The following IKZF2 variants were observed in gnomAD, a reference collection of about 807,000 sequenced individuals.
IKZF2 encodes zinc finger protein Helios.
IKZF2 carries 15 observed loss-of-function variants against 49.2 expected under a neutral mutation model. The observed-to-expected ratio is 0.30, with a 90% confidence interval of 0.20 to 0.47. The LOEUF is 0.47. Among genes scored for constraint, IKZF2 ranks in the 20% least tolerant of loss-of-function variants. The pLI, the probability that IKZF2 is intolerant of heterozygous loss-of-function variation, is 1.00. For missense variants in IKZF2, 567 were observed against 664.6 expected (o/e 0.85, Z 1.61); for synonymous variants, 227 against 221.4 (o/e 1.03, Z -0.23).
At chr2:213,056,300 C>T (rs1701145845) in intron 5 of IKZF2, among the ~76,000 whole-genome samples, 1 of 152,228 alleles carries the variant, frequency 6.6e-6, no homozygotes, top group African/African-American at 2.4e-5. Context: ...TTATAACCAA[C>T]AATTACAGAA....
intron 4 of IKZF2, among the ~76,000 whole-genome samples, chr2:213,103,164 A>T (rs928279544): frequency 2.6e-5 from 4 of 152,162 alleles, no homozygotes; most frequent in Admixed American, 6.6e-5. Flanking sequence ...TGAGGCTCAG[A>T]GATATTAATT....
At chr2:213,108,223 A>G (rs571103920) in intron 4 of IKZF2, among the ~76,000 whole-genome samples, 1 of 152,198 alleles carries the variant, frequency 6.6e-6, no homozygotes, top group Non-Finnish European at 1.5e-5. Context: ...TATCCATTGG[A>G]AAGTAGGTGA....
intron 4 of IKZF2, among the ~76,000 whole-genome samples, chr2:213,130,770 A>G (rs947300006): frequency 4.1e-4 from 62 of 152,204 alleles, no homozygotes; most frequent in African/African-American, 1.4e-3. Flanking sequence ...GTTAGATATT[A>G]TGGGCTTAAT....
chr2:213,043,913 C>T (rs1185300939), intron 6 of IKZF2, among the ~76,000 whole-genome samples: 1 of 152,216 alleles, frequency 6.6e-6, no homozygotes, highest in East Asian at 1.9e-4. Context: ...TAATTTTAAG[C>T]ACTAGTTCTT....
At chr2:213,104,613 G>A (rs1317624625) in intron 4 of IKZF2, among the ~76,000 whole-genome samples, 1 of 152,182 alleles carries the variant, frequency 6.6e-6, no homozygotes, top group East Asian at 1.9e-4. Context: ...AGTACGCAGA[G>A]TACGAGGCAC....
At chr2:213,024,609 T>G (rs1360886255) in intron 6 of IKZF2, among the ~76,000 whole-genome samples, 2 of 152,136 alleles carry the variant, frequency 1.3e-5, no homozygotes, top group Non-Finnish European at 2.9e-5. Context: ...GTAGTCATTA[T>G]ATAATTGGGG....
rs141702001 is a variant in IKZF2 at position 213,033,769 on chromosome 2, C to A, written c.575-11639G>T. On this transcript the variant is annotated intron_variant, in intron 6 of 8. Transcript: ENST00000434687. ...GTAGATATAGCATAATTCTTAAGGA[C>A]CTTAGAATTTTTGGAATGGTCAATG... Among the ~76,000 whole-genome samples the A allele has an allele frequency of 4.6e-5, 7 of 152,306 alleles. No individual in the cohort carries two copies. The East Asian group carries it at 1.2e-3, about 25-fold the overall frequency.
chr2:213,137,398 A>G (rs2060715734), intron 4 of IKZF2, among the ~76,000 whole-genome samples: 1 of 152,140 alleles, frequency 6.6e-6, no homozygotes, highest in South Asian at 2.1e-4. Context: ...GGCGTAAGTC[A>G]TTTTAAAGCA....
At chr2:213,037,202 A>C (rs1286772403) in intron 6 of IKZF2, among the ~76,000 whole-genome samples, 1 of 152,216 alleles carries the variant, frequency 6.6e-6, no homozygotes, top group Non-Finnish European at 1.5e-5. Context: ...GAAAGCAGCT[A>C]AGAATCTTGT....
At chr2:213,144,058 A>G (rs189759286) in intron 4 of IKZF2, among the ~76,000 whole-genome samples, 171 of 152,060 alleles carry the variant, frequency 1.1e-3, no homozygotes, top group Non-Finnish European at 1.7e-3. Flanking sequence ...TAGAAATCAT[A>G]ATATACTTCT....
chr2:213,137,571 A>T (rs2060721812), intron 4 of IKZF2, among the ~76,000 whole-genome samples: 1 of 152,064 alleles, frequency 6.6e-6, no homozygotes, highest in South Asian at 2.1e-4. Flanking sequence ...AGCCCTAAAA[A>T]CTATAGAAAT....
In IKZF2 at chr2:213,114,741, G is replaced by T. The variant is rs537829292; in HGVS notation, c.139+32967C>A. 2.0e-5 allele frequency among the ~76,000 whole-genome samples: 3 copies of T among 152,188 alleles called. No individual in the cohort carries two copies. In the South Asian group the frequency reaches 6.2e-4, roughly 32 times the overall value. On this transcript the variant is annotated intron_variant, in intron 4 of 8. Coordinates refer to ENST00000434687, the MANE Select transcript of IKZF2 (RefSeq NM_001387220.1). ...GAGGTCAAGAGATCGAGACCATCCT[G>T]GCCAACATGGTGAAACCTCATCTCT...
At chr2:213,088,117 C>A (rs1704869507) in intron 4 of IKZF2, among the ~76,000 whole-genome samples, 1 of 152,212 alleles carries the variant, frequency 6.6e-6, no homozygotes, top group Admixed American at 6.5e-5. Flanking sequence ...TTTACAGTCC[C>A]AGCAACAGTG....
chr2:213,143,196 G>A (rs2060931842), intron 4 of IKZF2, among the ~76,000 whole-genome samples: 1 of 151,830 alleles, frequency 6.6e-6, no homozygotes, highest in Non-Finnish European at 1.5e-5. Flanking sequence ...AATTCATTAT[G>A]GCTTACAGGA....
intron 4 of IKZF2, among the ~76,000 whole-genome samples, chr2:213,142,261 A>C (rs1344407316): frequency 6.6e-6 from 1 of 151,826 alleles, no homozygotes; most frequent in Admixed American, 6.6e-5. Context: ...GACAAACTCT[A>C]TTTCTTTCTT....
chr2:213,016,889 C>G (rs1226752179), intron 7 of IKZF2: 1 of 152,122 alleles, frequency 6.6e-6, no homozygotes, highest in Non-Finnish European at 1.5e-5. Context: ...GGCAGAGTAC[C>G]TGGACTGAGG....
chr2:213,063,062 A>G (rs1441945176), intron 4 of IKZF2, among the ~76,000 whole-genome samples: 1 of 152,064 alleles, frequency 6.6e-6, no homozygotes, highest in African/African-American at 2.4e-5. Context: ...CTGTGGATAA[A>G]TAAATGGATG....
In IKZF2 at chr2:213,007,850, A is replaced by G. The variant is rs746814328; in HGVS notation, c.1091T>C (p.Ile364Thr). The change falls in exon 9 of 9, where the codon ATA (isoleucine) becomes ACA (threonine). Residue 364 changes from isoleucine (I) to threonine (T), a missense_variant. Ile to Thr is a moderately conservative substitution (Grantham distance 89). Coordinates refer to ENST00000434687, the MANE Select transcript of IKZF2 (RefSeq NM_001387220.1). The stretch of plus-strand genomic sequence containing the variant: ...AGTTTCCCTGCTAATGGGTCTTTCT[A>G]TCCTATTTGGATGATAGACCTGAGA... ...AYSQVYHPNR[I>T]ERPISRETAD... 6.2e-7 allele frequency: 1 copy of G among 1,613,508 alleles called. No individual in the cohort carries two copies. Among genetic ancestry groups the G allele is most frequent in the East Asian group, 2.2e-5 (1 of 44,836 alleles).
rs1427421465 is a variant in IKZF2, at chr2:213,003,114, A to C, written c.*4246T>G. 6.6e-6 allele frequency: 1 copy of C among 152,022 alleles called. No individual in the cohort carries two copies. Among genetic ancestry groups the C allele is most frequent in the Non-Finnish European group, 1.5e-5 (1 of 67,632 alleles). 9.4% of individuals were successfully genotyped at this position (152,022 alleles called of 1,614,324 possible). On this transcript the variant is annotated 3_prime_UTR_variant, in exon 9 of 9. Transcript: ENST00000434687. ...TGCAGAGATGAATTATATAGTACTC[A>C]ATTTTAAGTGATTTTTAAAAATGCA...
Sources: allele counts gnomAD v4.1 joint callset (sites outside exome capture counted in the v4.1 genomes callset), GRCh38; gene constraint gnomAD v4.1.1; transcripts MANE v1.5; gene names NCBI Gene and HGNC (gene_info 2026-07-23, HGNC 2026-07-21).